Variants in RCOR1 observed in about 807,000 individuals in gnomAD.
RCOR1 encodes REST corepressor 1, also known as REST corepressor.
RCOR1 carries 12 observed loss-of-function variants against 64.0 expected under a neutral mutation model. The observed-to-expected ratio is 0.19, with a 90% CI of 0.12 to 0.30. The LOEUF is 0.30. RCOR1 is among the 10% of genes least tolerant of loss of function. RCOR1 has a pLI of 1.00. For synonymous variants in RCOR1, 279 were observed against 227.2 expected (o/e 1.23, Z -2.05); for missense variants, 502 against 621.2 (o/e 0.81, Z 2.04).
Position 102,592,742 on chromosome 14 carries a change from C to A in RCOR1, c.-145C>A. 8.2e-7 allele frequency: 1 copy of A among 1,220,836 alleles called. No homozygotes were observed. Among genetic ancestry groups the A allele is most frequent in the South Asian group, 4.1e-5 (1 of 24,240 alleles). The allele number at this position is 1,220,836 out of a possible 1,614,324, so 75.6% of individuals were successfully genotyped here. A position where few individuals can be genotyped will look rare whatever the true frequency, so the allele number is the denominator to read the frequency against. On this transcript the variant is annotated 5_prime_UTR_variant, in exon 1 of 12. Transcript: ENST00000262241. ...CGGCTCCGCGCTCTGCCCGTTTGGGCCTCCCCCGACTCGGACTCGCGCCCG... is the reference window on the plus strand; with the variant it reads ...CGGCTCCGCGCTCTGCCCGTTTGGGACTCCCCCGACTCGGACTCGCGCCCG...
chr14:102,724,665 T>C (rs1198662799), intron 11 of RCOR1, among the ~76,000 whole-genome samples: 1 of 152,164 alleles, frequency 6.6e-6, no homozygotes, highest in Non-Finnish European at 1.5e-5. Flanking sequence ...TTCTGCTTCT[T>C]GTAGTGCCAC....
intron 2 of RCOR1, among the ~76,000 whole-genome samples, chr14:102,676,817 C>T (rs1895175495): frequency 1.1e-5 from 1 of 90,586 alleles, no homozygotes; most frequent in Non-Finnish European, 2.2e-5. Flanking sequence ...GGCAGAGGCG[C>T]CCCTCACCTC....
intron 2 of RCOR1, among the ~76,000 whole-genome samples, chr14:102,668,667 C>T (rs1894967125): frequency 6.6e-6 from 1 of 152,102 alleles, no homozygotes; most frequent in Non-Finnish European, 1.5e-5. Context: ...TGGGAGTATA[C>T]ATACCCCTCG....
intron 11 of RCOR1, 79 bp downstream of exon 11, chr14:102,722,495 C>T (rs1359390921): frequency 2.5e-6 from 3 of 1,202,964 alleles, no homozygotes; most frequent in African/African-American, 1.5e-5. Context: ...TGAATTTTTT[C>T]AGCTATAGAG....
At chr14:102,717,290 T>G (rs992354802) in intron 8 of RCOR1, among the ~76,000 whole-genome samples, 1 of 152,242 alleles carries the variant, frequency 6.6e-6, no homozygotes, top group African/African-American at 2.4e-5. Flanking sequence ...TTGATTTATC[T>G]TGATGGTTCC....
Position 102,686,732 on chromosome 14 carries a change from C to T in RCOR1, c.445+4754C>T, listed in dbSNP as rs148663671. On this transcript the variant is annotated intron_variant, in intron 3 of 11. Transcript: ENST00000262241. ...ACTTAGCAATATGCATTTAAGGTTC[C>T]ACTGTCTCTTTTCATGGCTGGATAG... Among the ~76,000 whole-genome samples, 15 of 152,274 alleles carry T rather than the reference C, an allele frequency of 9.9e-5. No individual in the cohort carries two copies. In the East Asian group the frequency reaches 2.9e-3, roughly 29 times the overall value.
At chr14:102,618,298 T>G (rs1472352304) in intron 2 of RCOR1, among the ~76,000 whole-genome samples, 1 of 152,004 alleles carries the variant, frequency 6.6e-6, no homozygotes, top group Non-Finnish European at 1.5e-5. Flanking sequence ...CATATTTGTT[T>G]CATCAGTATA....
chr14:102,603,330 A>C (rs1893441232), intron 2 of RCOR1, among the ~76,000 whole-genome samples: 1 of 150,940 alleles, frequency 6.6e-6, no homozygotes, highest in South Asian at 2.1e-4. Context: ...TTATTTGTTT[A>C]TATGTACTTT....
chr14:102,617,901 CAAAT>C (rs1893795233), intron 2 of RCOR1, among the ~76,000 whole-genome samples: 1 of 149,456 alleles, frequency 6.7e-6, no homozygotes, highest in Non-Finnish European at 1.5e-5. Flanking sequence ...GACTCTATCT[CAAAT>C]AAAAAAGAAC....
chr14:102,629,258 TCA>T (rs916155479), intron 2 of RCOR1, among the ~76,000 whole-genome samples: 1 of 152,202 alleles, frequency 6.6e-6, no homozygotes, highest in African/African-American at 2.4e-5. Flanking sequence ...TCAGTCTGTC[TCA>T]GTTTTCAGCT....
intron 2 of RCOR1, chr14:102,658,099 C>G (rs1894762708): frequency 3.8e-6 from 1 of 263,648 alleles, no homozygotes; most frequent in Admixed American, 6.5e-5. Context: ...CTCAGCCTCC[C>G]AAGTAATTGG....
chr14:102,662,963 G>A (rs1350983844), intron 2 of RCOR1, among the ~76,000 whole-genome samples: 2 of 152,052 alleles, frequency 1.3e-5, no homozygotes, highest in African/African-American at 4.8e-5. Context: ...GTACACTTAT[G>A]GTATGGTTTG....
intron 2 of RCOR1, among the ~76,000 whole-genome samples, chr14:102,636,317 G>T (rs781137711): frequency 6.6e-6 from 1 of 151,596 alleles, no homozygotes; most frequent in Admixed American, 6.6e-5. Flanking sequence ...TGCTCTTGTC[G>T]CCCAGGCTGG....
rs563753209 is a variant in RCOR1 at position 102,669,023 on chromosome 14, T to C, written c.362-12872T>C. On this transcript the variant is annotated intron_variant, in intron 2 of 11. Coordinates refer to ENST00000262241, the MANE Select transcript of RCOR1 (RefSeq NM_015156.4). ...AAGAGAGAACCAGACAGGAGGTATA[T>C]AGTTTGTAGAAAGATACAGATATTT... 4.6e-5 allele frequency among the ~76,000 whole-genome samples: 7 copies of C among 152,228 alleles called. No homozygotes were observed. In the South Asian group the frequency reaches 1.5e-3, roughly 32 times the overall value.
intron 2 of RCOR1, among the ~76,000 whole-genome samples, chr14:102,676,931 G>T (rs1386905228): frequency 4.1e-4 from 39 of 95,146 alleles, no homozygotes; most frequent in Non-Finnish European, 6.1e-4. Flanking sequence ...CCTCCCGGAC[G>T]GGGCGGCTGG....
chr14:102,624,514 T>A (rs1893941990), intron 2 of RCOR1, among the ~76,000 whole-genome samples: 2 of 150,978 alleles, frequency 1.3e-5, no homozygotes, highest in Admixed American at 6.6e-5. Flanking sequence ...ATAAATAAAA[T>A]TCACACCTAG....
At chr14:102,693,880 G>A in intron 3 of RCOR1, among the ~76,000 whole-genome samples, 1 of 151,752 alleles carries the variant, frequency 6.6e-6, no homozygotes, top group Admixed American at 6.6e-5. Context: ...CTTAAGAAAT[G>A]GGGGTTCACT....
At chr14:102,615,168 C>T (rs190926733) in intron 2 of RCOR1, among the ~76,000 whole-genome samples, 1 of 98,306 alleles carries the variant, frequency 1.0e-5, no homozygotes, top group Non-Finnish European at 1.8e-5. Flanking sequence ...GAGTCTTATT[C>T]TCACCCAGCC....
intron 3 of RCOR1, among the ~76,000 whole-genome samples, chr14:102,683,870 C>G (rs958528112): frequency 1.3e-5 from 2 of 152,256 alleles, no homozygotes; most frequent in African/African-American, 4.8e-5. Flanking sequence ...TCCCCATACA[C>G]CAGTCCCTAG....
Sources: gnomAD v4.1 joint callset for allele counts (sites outside exome capture counted in the v4.1 genomes callset) on GRCh38, gnomAD v4.1.1 for gene constraint, MANE v1.5 for transcripts, NCBI Gene and HGNC (gene_info 2026-07-23, HGNC 2026-07-21) for gene names.